The following STARD13 variants were observed in gnomAD, a reference collection of about 807,000 sequenced individuals.
STARD13 encodes StAR related lipid transfer domain containing 13.
A neutral mutation model predicts 106.4 loss-of-function variants in STARD13; 62 were observed. The observed-to-expected ratio is 0.58, with a 90% CI of 0.48 to 0.72. The LOEUF is 0.72. STARD13 is among the 30% of genes least tolerant of loss of function. The pLI is 0.00. For synonymous variants in STARD13, 565 were observed against 553.0 expected (o/e 1.02, Z -0.31); for missense variants, 1,387 against 1,424.0 (o/e 0.97, Z 0.42).
the STARD13 span, among the ~76,000 whole-genome samples, chr13:33,631,652 T>C: frequency 6.6e-6 from 1 of 151,710 alleles, no homozygotes; most frequent in African/African-American, 2.4e-5. Context: ...CAAATGTCTA[T>C]GATAGTTATA....
the STARD13 span, chr13:33,524,396 G>T: frequency 8.6e-6 from 4 of 465,664 alleles, no homozygotes; most frequent in East Asian, 9.5e-5. Context: ...TTTTAAAGAG[G>T]TTTTTTTCAT....
At chr13:33,267,297 C>T (rs887341137) in intron 1 of STARD13, among the ~76,000 whole-genome samples, 4 of 152,114 alleles carry the variant, frequency 2.6e-5, no homozygotes, top group African/African-American at 9.7e-5. Context: ...AACAAGAAAT[C>T]CTCCCTCAAT....
At chr13:33,383,818 G>C in the STARD13 span, 3 of 143,524 alleles carry the variant, frequency 2.1e-5, no homozygotes, top group Admixed American at 2.1e-4. Flanking sequence ...TCCCTTTCTA[G>C]TCATCTGCAT....
At chr13:33,465,758 A>T in the STARD13 span, among the ~76,000 whole-genome samples, 1 of 152,154 alleles carries the variant, frequency 6.6e-6, no homozygotes, top group East Asian at 1.9e-4. Context: ...TCTGCCAATT[A>T]CACTATATGT....
upstream of STARD13, among the ~76,000 whole-genome samples, chr13:33,354,137 CATCCTATGCTGCTTCA>C (rs2078105104): frequency 6.6e-6 from 1 of 152,198 alleles, no homozygotes; most frequent in Non-Finnish European, 1.5e-5. Flanking sequence ...CACCTCCATA[CATCCTATGCTGCTTCA>C]ATCTTCCCCC....
intron 1 of STARD13, among the ~76,000 whole-genome samples, chr13:33,201,533 C>T (rs181760272): frequency 6.6e-6 from 1 of 152,272 alleles, no homozygotes; most frequent in African/African-American, 2.4e-5. Context: ...AGTATTTGAA[C>T]AAGTAGACTC....
intron 8 of STARD13, among the ~76,000 whole-genome samples, chr13:33,114,624 G>A (rs1217067453): frequency 1.3e-5 from 2 of 152,162 alleles, no homozygotes; most frequent in Non-Finnish European, 2.9e-5. Flanking sequence ...TGCTTGAGCT[G>A]CAGAATTGTT....
the STARD13 span, among the ~76,000 whole-genome samples, chr13:33,376,178 A>T: frequency 2.0e-5 from 3 of 152,232 alleles, no homozygotes; most frequent in South Asian, 2.1e-4. Flanking sequence ...GGTGACAAAC[A>T]GGACATAAAG....
At chr13:33,499,523 T>TTTCTTCTTCTTCC in the STARD13 span, among the ~76,000 whole-genome samples, 1 of 50,404 alleles carries the variant, frequency 2.0e-5, no homozygotes, top group African/African-American at 8.0e-5. Flanking sequence ...TCTTTCTTTC[T>TTTCTTCTTCTTCC]TCTTCTTCTT....
At chr13:33,154,252 C>A (rs1593986049) in intron 3 of STARD13, among the ~76,000 whole-genome samples, 1 of 152,064 alleles carries the variant, frequency 6.6e-6, no homozygotes, top group South Asian at 2.1e-4. Context: ...CACTACGCAG[C>A]CAGGGAAGGC....
the STARD13 span, among the ~76,000 whole-genome samples, chr13:33,525,775 T>C: frequency 1.3e-5 from 2 of 152,160 alleles, no homozygotes; most frequent in Non-Finnish European, 2.9e-5. Context: ...TAACTAATTT[T>C]ACTCATAGAT....
rs771976587 is a variant in STARD13, at chr13:33,109,941, T to C, written c.2979A>G (p.Gln993=). The part of the protein sequence containing the change: ...QWKVVETLDR[Q]TEIYQYVLNS... ...TCAGCACATACTGGTAGATCTCTGT[T>C]TGCCTGTCTAGAGTTTCCACAACCT... is the stretch of plus-strand genomic sequence containing the variant. Residue 993 remains glutamine (Q), a synonymous_variant, in exon 12 of 14, where the codon CAA becomes CAG. Coordinates refer to ENST00000336934, the MANE Select transcript of STARD13 (RefSeq NM_178006.4). 1 of 1,614,036 alleles carries C rather than the reference T, an allele frequency of 6.2e-7. No homozygotes were observed. The highest frequency in any genetic ancestry group is 8.5e-7 in the Non-Finnish European group (1 of 1,179,970).
At chr13:33,649,611 TCAAA>T in the STARD13 span, among the ~76,000 whole-genome samples, 1 of 152,182 alleles carries the variant, frequency 6.6e-6, no homozygotes, top group Non-Finnish European at 1.5e-5. Context: ...CATGATAGGT[TCAAA>T]ATAAATATTG....
Position 33,120,777 on chromosome 13 carries a change from T to G in STARD13, c.2083-2514A>C, listed in dbSNP as rs138203913. Among the ~76,000 whole-genome samples, 36 of 73,788 alleles carry G rather than the reference T, an allele frequency of 4.9e-4. 1 individual carries two copies. In the East Asian group the frequency reaches 0.016, roughly 32 times the overall value. 48.4% of individuals were successfully genotyped at this position (73,788 alleles called of 152,430 possible). On this transcript the variant is annotated intron_variant, in intron 7 of 13. Coordinates refer to ENST00000336934, the MANE Select transcript of STARD13 (RefSeq NM_178006.4). ...CCCTGGAACCGTTCTATTTCCTGACTTTTTTTTTTTTTGAGACGGAGTCTT... is the reference window on the plus strand; with the variant it reads ...CCCTGGAACCGTTCTATTTCCTGACGTTTTTTTTTTTTGAGACGGAGTCTT...
intron 3 of STARD13, among the ~76,000 whole-genome samples, chr13:33,147,380 G>C (rs1157568365): frequency 2.0e-5 from 3 of 152,166 alleles, no homozygotes; most frequent in African/African-American, 7.2e-5. Flanking sequence ...TCAAGGCTAA[G>C]GCAGAGTTAT....
At chr13:33,350,159 G>A (rs1004185933) in intron 1 of STARD13, 241 of 1,242,256 alleles carry the variant, frequency 1.9e-4, no homozygotes, top group African/African-American at 6.3e-4. Context: ...CCCGCAGCCC[G>A]CTCGCCCCGG....
chr13:33,434,568 T>C, the STARD13 span, among the ~76,000 whole-genome samples: 1 of 152,166 alleles, frequency 6.6e-6, no homozygotes, highest in Non-Finnish European at 1.5e-5. Context: ...AATGCTTTCT[T>C]GGCTCATGAA....
At chr13:33,417,591 A>G in the STARD13 span, among the ~76,000 whole-genome samples, 3 of 152,336 alleles carry the variant, frequency 2.0e-5, no homozygotes, top group Non-Finnish European at 4.4e-5. Flanking sequence ...TTCCAGAATA[A>G]AAAAGTAAAG....
the STARD13 span, among the ~76,000 whole-genome samples, chr13:33,377,521 G>A: frequency 6.6e-6 from 1 of 152,108 alleles, no homozygotes; most frequent in Admixed American, 6.5e-5. Flanking sequence ...CATGATGACA[G>A]AAAAATGTTA....
Sources: allele counts gnomAD v4.1 joint callset (sites outside exome capture counted in the v4.1 genomes callset), GRCh38; gene constraint gnomAD v4.1.1; transcripts MANE v1.5; gene names NCBI Gene and HGNC (gene_info 2026-07-23, HGNC 2026-07-21).